The following GPC6 variants were observed in gnomAD, a reference collection of about 807,000 sequenced individuals.
GPC6 encodes the protein glypican-6.
Under a neutral mutation model 55.2 loss-of-function variants are expected in GPC6, and 14 were observed. The ratio of observed to expected loss-of-function variants is 0.25; its 90% confidence interval spans 0.17 to 0.40. GPC6 has a LOEUF of 0.40. GPC6 is among the 10% of genes least tolerant of loss of function. GPC6 has a pLI of 1.00. For synonymous variants in GPC6, 278 were observed against 259.6 expected (o/e 1.07, Z -0.68); for missense variants, 641 against 708.5 (o/e 0.90, Z 1.08).
intron 2 of GPC6, among the ~76,000 whole-genome samples, chr13:93,743,065 A>C (rs896869332): frequency 3.9e-5 from 6 of 152,218 alleles, no homozygotes; most frequent in African/African-American, 1.2e-4. Context: ...AGTTAGCTAC[A>C]AGCAGTGATT....
At chr13:93,722,099 A>G (rs924508117) in intron 2 of GPC6, among the ~76,000 whole-genome samples, 2 of 151,750 alleles carry the variant, frequency 1.3e-5, no homozygotes, top group African/African-American at 4.8e-5. Context: ...ACATTGTTTT[A>G]TGGTATTCTT....
intron 2 of GPC6, among the ~76,000 whole-genome samples, chr13:93,593,773 TAAATC>T (rs1406594898): frequency 6.6e-6 from 1 of 152,186 alleles, no homozygotes; most frequent in Non-Finnish European, 1.5e-5. Context: ...CAAAATATCT[TAAATC>T]ATATAATGAT....
At chr13:93,539,979 C>T (rs1246457715) in intron 1 of GPC6, among the ~76,000 whole-genome samples, 2 of 152,128 alleles carry the variant, frequency 1.3e-5, no homozygotes, top group Admixed American at 6.6e-5. Flanking sequence ...GCATGAGGCA[C>T]CGTGCCCAGC....
chr13:93,832,953 C>T lies in GPC6; in HGVS notation c.711+2408C>T, dbSNP rs192081511. 5.5e-4 allele frequency among the ~76,000 whole-genome samples: 84 copies of T among 152,178 alleles called. No individual in the cohort carries two copies. In the East Asian group the frequency reaches 8.3e-3, roughly 15 times the overall value. ...ACCTTGGAAAGTTAACTGTTCCTTG[C>T]AGATATTGGCTTGTTTGACCTGAGT... On this transcript the variant is annotated intron_variant, in intron 3 of 8. Transcript: ENST00000377047.
chr13:94,289,796 T>A (rs575758616), intron 5 of GPC6, among the ~76,000 whole-genome samples: 3 of 152,358 alleles, frequency 2.0e-5, no homozygotes, highest in Admixed American at 6.5e-5. Flanking sequence ...ATATACTAAG[T>A]GTTGAAATAT....
intron 1 of GPC6, chr13:93,450,749 A>C: frequency 1.0e-6 from 1 of 954,656 alleles, no homozygotes; most frequent in South Asian, 4.8e-5. Flanking sequence ...AGTTTAAGGT[A>C]AGGATGAACC....
At chr13:94,266,232 G>A (rs560690949) in intron 4 of GPC6, among the ~76,000 whole-genome samples, 4 of 151,306 alleles carry the variant, frequency 2.6e-5, no homozygotes, top group South Asian at 2.1e-4. Flanking sequence ...GCAGTGGCAC[G>A]ATCTTGGCTC....
Position 94,144,984 on chromosome 13 carries a change from T to C in GPC6, c.877+117090T>C, listed in dbSNP as rs372160685. 9.2e-4 allele frequency among the ~76,000 whole-genome samples: 140 copies of C among 152,294 alleles called. 1 individual carries two copies. Among genetic ancestry groups the C allele is most frequent in the African/African-American group, 3.2e-3 (133 of 41,572 alleles). On this transcript the variant is annotated intron_variant, in intron 4 of 8. Coordinates refer to ENST00000377047, the MANE Select transcript of GPC6 (RefSeq NM_005708.5). ...ATTAACAAAACTTTGGAGACCTTAT[T>C]GCTTATGGGCAAAAGCACAGAGTTT...
At chr13:93,893,500 G>A (rs535658009) in intron 3 of GPC6, among the ~76,000 whole-genome samples, 5 of 152,106 alleles carry the variant, frequency 3.3e-5, no homozygotes, top group African/African-American at 1.2e-4. Flanking sequence ...AGGAATACAG[G>A]CCTGGGATTA....
chr13:94,400,466 G>T (rs1259465635), intron 8 of GPC6, among the ~76,000 whole-genome samples: 2 of 152,100 alleles, frequency 1.3e-5, no homozygotes, highest in African/African-American at 4.8e-5. Flanking sequence ...TAGCAATTCT[G>T]ATATCTCTGA....
intron 2 of GPC6, among the ~76,000 whole-genome samples, chr13:93,762,417 T>C (rs1264508618): frequency 6.6e-6 from 1 of 152,160 alleles, no homozygotes; most frequent in East Asian, 1.9e-4. Flanking sequence ...TTGCAACTGA[T>C]TATATGAATC....
intron 2 of GPC6, among the ~76,000 whole-genome samples, chr13:93,773,321 C>T (rs1167814230): frequency 6.6e-6 from 1 of 152,026 alleles, no homozygotes; most frequent in African/African-American, 2.4e-5. Context: ...AACATGAAGG[C>T]ATATATGTCA....
intron 4 of GPC6, among the ~76,000 whole-genome samples, chr13:94,202,725 AC>A (rs1315133874): frequency 5.3e-5 from 8 of 152,186 alleles, no homozygotes; most frequent in African/African-American, 1.9e-4. Context: ...GATGTCAGTA[AC>A]TGGGGAAGTG....
chr13:94,290,644 A>AT (rs1310842159), intron 5 of GPC6, among the ~76,000 whole-genome samples: 6 of 152,136 alleles, frequency 3.9e-5, no homozygotes, highest in African/African-American at 1.2e-4. Flanking sequence ...CATATTTATC[A>AT]TTTTTTGTGG....
At chr13:93,581,273 TTATC>T (rs113928650) in intron 2 of GPC6, among the ~76,000 whole-genome samples, 9,103 of 152,196 alleles carry the variant, frequency 0.06, 861 homozygotes, top group African/African-American at 0.2. Flanking sequence ...TATCTGCTAG[TTATC>T]TATCTTTCTT....
chr13:93,857,120 T>C (rs953522566), intron 3 of GPC6, among the ~76,000 whole-genome samples: 2 of 151,554 alleles, frequency 1.3e-5, no homozygotes, highest in Admixed American at 6.6e-5. Flanking sequence ...ATTTTTCCCA[T>C]TGGTCACTAT....
At chr13:93,226,108 T>C (rs1457189494), upstream of GPC6, among the ~76,000 whole-genome samples, 3 of 152,166 alleles carry the variant, frequency 2.0e-5, no homozygotes, top group Non-Finnish European at 4.4e-5. Flanking sequence ...AGAATTATGT[T>C]AACTTGGAAG....
In GPC6 at chr13:94,140,336, A is replaced by G. The variant is rs567685963; in HGVS notation, c.877+112442A>G. 1.4e-4 allele frequency among the ~76,000 whole-genome samples: 22 copies of G among 152,340 alleles called. No individual in the cohort carries two copies. In the South Asian group the frequency reaches 4.3e-3, roughly 30 times the overall value. On this transcript the variant is annotated intron_variant, in intron 4 of 8. Coordinates refer to ENST00000377047, the MANE Select transcript of GPC6 (RefSeq NM_005708.5). ...ATTAGTAAATGTGAATTCTCTCACA[A>G]TACACTAAACTAGTTTGTGTTTGAC...
chr13:94,334,248 A>T (rs766062301), intron 6 of GPC6, among the ~76,000 whole-genome samples: 25 of 152,218 alleles, frequency 1.6e-4, no homozygotes, highest in Non-Finnish European at 3.5e-4. Context: ...ACACATGAGC[A>T]TGGCTGTGCT....
Sources: allele counts gnomAD v4.1 joint callset (sites outside exome capture counted in the v4.1 genomes callset), GRCh38; gene constraint gnomAD v4.1.1; transcripts MANE v1.5; gene names NCBI Gene and HGNC (gene_info 2026-07-23, HGNC 2026-07-21).